Variants in SERPINB12 observed in about 807,000 individuals in gnomAD.
SERPINB12 encodes serpin family B member 12.
A neutral mutation model predicts 41.1 loss-of-function variants in SERPINB12; 57 were observed. The ratio of observed to expected loss-of-function variants is 1.39; its 90% CI spans 1.12 to 1.73. The LOEUF is 1.73. Among genes scored for constraint, SERPINB12 ranks in the 40% most tolerant of loss-of-function variants. The pLI is 0.00. For synonymous variants in SERPINB12, 180 were observed against 181.3 expected, an observed-to-expected ratio of 0.99 and a Z score of 0.06; for missense variants, 536 against 501.9, an observed-to-expected ratio of 1.07 and a Z score of -0.65.
At chr18:63,560,708 C>A (rs1369295203) in intron 4 of SERPINB12, among the ~76,000 whole-genome samples, 4 of 152,054 alleles carry the variant, frequency 2.6e-5, no homozygotes, top group Non-Finnish European at 2.9e-5. Context: ...AACTCTGCAA[C>A]CATTAAGCGG....
At chr18:63,527,952 T>G in the SERPINB12 span, among the ~76,000 whole-genome samples, 1 of 151,900 alleles carries the variant, frequency 6.6e-6, no homozygotes, top group African/African-American at 2.4e-5. Flanking sequence ...TGAATAAGTC[T>G]CATGAGATCT....
chr18:63,520,878 G>C, the SERPINB12 span, among the ~76,000 whole-genome samples: 7 of 152,160 alleles, frequency 4.6e-5, no homozygotes, highest in Admixed American at 4.6e-4. Flanking sequence ...AAAAGAAAAT[G>C]ATATTTATTT....
intron 1 of SERPINB12, 57 bp from the exon 2 acceptor site, chr18:63,556,085 G>C: frequency 8.0e-7 from 1 of 1,252,232 alleles, no homozygotes; most frequent in Non-Finnish European, 1.1e-6. Context: ...AAAATTGTTT[G>C]TTCACTTATT....
In SERPINB12 at chr18:63,568,002, C is replaced by T. The variant is rs1051430136; in HGVS notation, c.*991C>T. On this transcript the variant is annotated 3_prime_UTR_variant, in exon 8 of 8. Transcript: ENST00000382768. ...TGTGCCCCTCTCTCTGCCTTCTGGCCACGTGGACTTTTGTGTCTTCCGAGA... is the reference window on the plus strand; with the variant it reads ...TGTGCCCCTCTCTCTGCCTTCTGGCTACGTGGACTTTTGTGTCTTCCGAGA... 6.6e-6 allele frequency among the ~76,000 whole-genome samples: 1 copy of T among 152,148 alleles called. No homozygotes were observed. Among genetic ancestry groups the T allele is most frequent in the Non-Finnish European group, 1.5e-5 (1 of 68,042 alleles).
At chr18:63,525,319 A>G in the SERPINB12 span, among the ~76,000 whole-genome samples, 6 of 152,252 alleles carry the variant, frequency 3.9e-5, no homozygotes, top group Non-Finnish European at 7.4e-5. Flanking sequence ...AATTGTATAT[A>G]CTAATTAGGA....
chr18:63,533,758 C>G, the SERPINB12 span, among the ~76,000 whole-genome samples: 1 of 152,120 alleles, frequency 6.6e-6, no homozygotes, highest in Non-Finnish European at 1.5e-5. Flanking sequence ...CTTTCATCGC[C>G]AAAGGAATAC....
chr18:63,525,029 G>A, the SERPINB12 span, among the ~76,000 whole-genome samples: 15 of 152,132 alleles, frequency 9.9e-5, no homozygotes, highest in African/African-American at 1.2e-4. Context: ...GATTACAGGC[G>A]TGAGCTACTG....
Position 63,545,569 on chromosome 18 carries a change from G to A in SERPINB12, c.-19+3077G>A, listed in dbSNP as rs1299722199. On this transcript the variant is annotated intron_variant, in intron 1 of 7. Coordinates refer to ENST00000382768, the MANE Select transcript of SERPINB12 (RefSeq NM_001307928.2). ...TAGATCTTTGTTGAATTATTTAAGA[G>A]GATAAACAGATGCAAATCTAGATTA... 2.0e-5 allele frequency among the ~76,000 whole-genome samples: 3 copies of A among 152,128 alleles called. No homozygotes were observed. In the East Asian group the frequency reaches 5.8e-4, roughly 29 times the overall value.
intron 2 of SERPINB12, among the ~76,000 whole-genome samples, chr18:63,557,117 C>T (rs1038576740): frequency 1.3e-5 from 2 of 152,196 alleles, no homozygotes; most frequent in African/African-American, 4.8e-5. Context: ...CTCCATCTCT[C>T]ACTTTCATCC....
intron 1 of SERPINB12, among the ~76,000 whole-genome samples, chr18:63,545,326 G>A (rs572911935): frequency 9.2e-5 from 14 of 152,050 alleles, no homozygotes; most frequent in African/African-American, 3.4e-4. Context: ...GTACTAGAGA[G>A]GCTCGCTTTC....
chr18:63,566,261 G>T (rs1911094461), intron 7 of SERPINB12, among the ~76,000 whole-genome samples: 1 of 152,178 alleles, frequency 6.6e-6, no homozygotes, highest in Non-Finnish European at 1.5e-5. Context: ...ATTAATGCTT[G>T]CAAGAACTTA....
rs574883601 is a variant in SERPINB12 at position 63,547,892 on chromosome 18, A to T, written c.-19+5400A>T. 1.4e-3 allele frequency among the ~76,000 whole-genome samples: 215 copies of T among 152,292 alleles called. 2 individuals carry two copies. Among genetic ancestry groups the T allele is most frequent in the African/African-American group, 5.0e-3 (206 of 41,576 alleles). On this transcript the variant is annotated intron_variant, in intron 1 of 7. Coordinates refer to ENST00000382768, the MANE Select transcript of SERPINB12 (RefSeq NM_001307928.2). ...GTCTTCTAACATTTCAAACATTAGG[A>T]TTATCTACAATGAAAAATGGGCAGA...
intron 1 of SERPINB12, among the ~76,000 whole-genome samples, chr18:63,549,698 C>A (rs1226563176): frequency 6.6e-6 from 1 of 152,126 alleles, no homozygotes; most frequent in African/African-American, 2.4e-5. Context: ...GATGTGCCTT[C>A]CAGAGAGGGA....
intron 1 of SERPINB12, among the ~76,000 whole-genome samples, chr18:63,553,929 T>C (rs1287428271): frequency 6.6e-6 from 1 of 152,072 alleles, no homozygotes; most frequent in Admixed American, 6.6e-5. Context: ...TCCAGATACA[T>C]CCAGGACATC....
chr18:63,543,148 G>A (rs549135755), intron 1 of SERPINB12, among the ~76,000 whole-genome samples: 1 of 152,248 alleles, frequency 6.6e-6, no homozygotes, highest in South Asian at 2.1e-4. Flanking sequence ...TGACTTATTA[G>A]GAATGAATGA....
intron 3 of SERPINB12, among the ~76,000 whole-genome samples, chr18:63,559,047 T>TTTCTTTCTTTCTTTCTTTCTCTCC: frequency 1.1e-5 from 1 of 92,654 alleles, no homozygotes; most frequent in East Asian, 2.5e-4. Context: ...TCTTTCTTTC[T>TTTCTTTCTTTCTTTCTTTCTCTCC]TTCTTTCTTT....
At chr18:63,549,549 G>A (rs1568125407) in intron 1 of SERPINB12, among the ~76,000 whole-genome samples, 1 of 122,944 alleles carries the variant, frequency 8.1e-6, no homozygotes, top group South Asian at 3.0e-4. Context: ...ATTAGGCTAC[G>A]ATTGTTTGCA....
chr18:63,552,136 T>C (rs1910547602), intron 1 of SERPINB12, among the ~76,000 whole-genome samples: 1 of 152,206 alleles, frequency 6.6e-6, no homozygotes, highest in South Asian at 2.1e-4. Context: ...TTCTGCTATC[T>C]CTTTGTGTGC....
chr18:63,538,659 A>G (rs1910218326), upstream of SERPINB12, among the ~76,000 whole-genome samples: 1 of 152,150 alleles, frequency 6.6e-6, no homozygotes, highest in African/African-American at 2.4e-5. Context: ...ACATTTGTGT[A>G]CAAGCTTTTG....
Sources: gnomAD v4.1 joint callset for allele counts (sites outside exome capture counted in the v4.1 genomes callset) on GRCh38, gnomAD v4.1.1 for gene constraint, MANE v1.5 for transcripts, NCBI Gene and HGNC (gene_info 2026-07-23, HGNC 2026-07-21) for gene names.